Variants in GRID1 observed in about 807,000 individuals in gnomAD.
The protein encoded by GRID1 is glutamate ionotropic receptor delta type subunit 1, also known as glutamate receptor ionotropic, delta-1.
Under a neutral mutation model 98.0 loss-of-function variants are expected in GRID1, and 28 were observed. That is an observed-to-expected ratio of 0.29 (90% CI 0.21 to 0.39). GRID1 has a LOEUF of 0.39. GRID1 is among the 10% of genes least tolerant of loss of function. The pLI is 1.00. For synonymous variants in GRID1, 553 were observed against 538.5 expected, an observed-to-expected ratio of 1.03 and a Z score of -0.37; for missense variants, 1,111 against 1,340.5, an observed-to-expected ratio of 0.83 and a Z score of 2.67.
chr10:85,753,761 C>T (rs1397401942), intron 8 of GRID1, among the ~76,000 whole-genome samples: 1 of 152,182 alleles, frequency 6.6e-6, no homozygotes, highest in Admixed American at 6.5e-5. Flanking sequence ...TGTCTCAGGA[C>T]AGCCTCCCAC....
chr10:85,963,471 C>A lies in GRID1; in HGVS notation c.727-47232G>T, dbSNP rs150414825. On this transcript the variant is annotated intron_variant, in intron 4 of 15. Coordinates refer to ENST00000327946, the MANE Select transcript of GRID1 (RefSeq NM_017551.3). ...TGACTTTTGCTCACTTCCATCTGAA[C>A]AAGTCAGACTTGTGCTCAAACCTCT... Among the ~76,000 whole-genome samples the A allele has an allele frequency of 3.1e-4, 47 of 152,288 alleles. 1 individual carries two copies. The highest frequency in any genetic ancestry group is 1.1e-3 in the African/African-American group (45 of 41,560).
chr10:85,824,147 G>A (rs1842797547), intron 8 of GRID1, among the ~76,000 whole-genome samples: 2 of 152,142 alleles, frequency 1.3e-5, no homozygotes, highest in South Asian at 4.1e-4. Context: ...CAACAATAAA[G>A]CAAAAGAGGA....
chr10:85,774,420 A>G (rs1490664526), intron 8 of GRID1, among the ~76,000 whole-genome samples: 4 of 152,040 alleles, frequency 2.6e-5, no homozygotes, highest in African/African-American at 7.2e-5. Flanking sequence ...CATGGGCAAG[A>G]ACTTCATGTC....
intron 3 of GRID1, among the ~76,000 whole-genome samples, chr10:86,142,431 T>C (rs1217127898): frequency 3.9e-5 from 6 of 152,232 alleles, no homozygotes; most frequent in Non-Finnish European, 8.8e-5. Context: ...CGGGGCTGAG[T>C]GCTAGTCAGC....
At chr10:85,636,380 T>C (rs1358746499) in intron 13 of GRID1, among the ~76,000 whole-genome samples, 1 of 152,204 alleles carries the variant, frequency 6.6e-6, no homozygotes, top group Non-Finnish European at 1.5e-5. Flanking sequence ...ACAAAATACT[T>C]CACAGAGTAA....
chr10:85,608,458 T>A (rs1250115279), intron 15 of GRID1, among the ~76,000 whole-genome samples: 2 of 152,226 alleles, frequency 1.3e-5, no homozygotes, highest in Admixed American at 6.5e-5. Flanking sequence ...ATTAGTAATG[T>A]CTTCTTTACG....
intron 2 of GRID1, among the ~76,000 whole-genome samples, chr10:86,362,060 G>A (rs1848607130): frequency 6.6e-6 from 1 of 152,218 alleles, no homozygotes; most frequent in Non-Finnish European, 1.5e-5. Flanking sequence ...ACAGAGGTGT[G>A]TCACCAGACA....
intron 2 of GRID1, among the ~76,000 whole-genome samples, chr10:86,281,624 A>G (rs866161587): frequency 1.3e-5 from 2 of 152,152 alleles, no homozygotes; most frequent in Non-Finnish European, 1.5e-5. Context: ...ACAGTTACAG[A>G]AAGGAAGCAG....
At chr10:85,822,660 C>T (rs1385813944) in intron 8 of GRID1, among the ~76,000 whole-genome samples, 2 of 152,162 alleles carry the variant, frequency 1.3e-5, no homozygotes, top group Admixed American at 1.3e-4. Flanking sequence ...ACTAGAAATA[C>T]CATTTGACCC....
chr10:86,094,852 A>AT (rs1844198140), intron 4 of GRID1, among the ~76,000 whole-genome samples: 1 of 152,116 alleles, frequency 6.6e-6, no homozygotes, highest in Admixed American at 6.5e-5. Flanking sequence ...AAATTCTAAA[A>AT]TTCATGTGGA....
At chr10:86,131,082 C>T (rs958802072) in intron 4 of GRID1, among the ~76,000 whole-genome samples, 9 of 152,196 alleles carry the variant, frequency 5.9e-5, no homozygotes, top group African/African-American at 2.2e-4. Context: ...AGAATGGCAC[C>T]AGATGTGGAC....
At chr10:86,241,958 C>G (rs1846643759) in intron 2 of GRID1, among the ~76,000 whole-genome samples, 1 of 152,222 alleles carries the variant, frequency 6.6e-6, no homozygotes, top group African/African-American at 2.4e-5. Context: ...CGAGCTTCAC[C>G]CCACCCTCAG....
At chr10:86,047,430 A>C (rs943482799) in intron 4 of GRID1, among the ~76,000 whole-genome samples, 4 of 152,240 alleles carry the variant, frequency 2.6e-5, no homozygotes, top group African/African-American at 9.6e-5. Flanking sequence ...CTGAGAAATG[A>C]GGCAATTATT....
At chr10:85,652,280 G>A (rs958777869) in intron 12 of GRID1, among the ~76,000 whole-genome samples, 1 of 152,196 alleles carries the variant, frequency 6.6e-6, no homozygotes, top group African/African-American at 2.4e-5. Flanking sequence ...TGTGTTTGCA[G>A]TATGAGAAAA....
chr10:85,877,387 T>C (rs1843345831), intron 5 of GRID1, among the ~76,000 whole-genome samples: 1 of 152,112 alleles, frequency 6.6e-6, no homozygotes, highest in Non-Finnish European at 1.5e-5. Context: ...CAGGGCTGGG[T>C]ACTCCTCTGA....
intron 4 of GRID1, among the ~76,000 whole-genome samples, chr10:86,080,445 A>G (rs1328308523): frequency 6.0e-5 from 1 of 16,802 alleles, no homozygotes; most frequent in Non-Finnish European, 9.6e-5. Context: ...AGGGGAGGGG[A>G]GGGGAGGGGA....
intron 3 of GRID1, among the ~76,000 whole-genome samples, chr10:86,173,796 A>G (rs796979010): frequency 7.5e-6 from 1 of 133,036 alleles, no homozygotes; most frequent in Admixed American, 9.4e-5. Flanking sequence ...TCATTGTTCA[A>G]TTCCCACCTA....
chr10:86,147,357 T>C (rs571819936), intron 3 of GRID1, among the ~76,000 whole-genome samples: 37 of 152,286 alleles, frequency 2.4e-4, no homozygotes, highest in South Asian at 6.2e-4. Context: ...GTGTACCATA[T>C]GGAACCAAAA....
chr10:85,839,214 C>A (rs1450385402), intron 8 of GRID1, among the ~76,000 whole-genome samples: 2 of 152,136 alleles, frequency 1.3e-5, no homozygotes, highest in African/African-American at 4.8e-5. Flanking sequence ...TAACACCCCA[C>A]TGACAATATT....
Sources: allele counts gnomAD v4.1 joint callset (sites outside exome capture counted in the v4.1 genomes callset), GRCh38; gene constraint gnomAD v4.1.1; transcripts MANE v1.5; gene names NCBI Gene and HGNC (gene_info 2026-07-23, HGNC 2026-07-21).